TOM1: variants seen among roughly 807,000 people sequenced by gnomAD.
TOM1 encodes target of myb1 membrane trafficking protein, also known as target of Myb protein 1.
Under a neutral mutation model 61.3 loss-of-function variants are expected in TOM1, and 38 were observed. That is an observed-to-expected ratio of 0.62 (90% CI 0.48 to 0.81). TOM1 has a LOEUF of 0.81. Ranked by LOEUF, TOM1 falls within the 40% of genes least tolerant of loss-of-function variation. The pLI, the probability that TOM1 is intolerant of heterozygous loss-of-function variation, is 0.00. For synonymous variants in TOM1, 270 were observed against 268.8 expected, an observed-to-expected ratio of 1.00 and a Z score of -0.04; for missense variants, 591 against 659.6, an observed-to-expected ratio of 0.90 and a Z score of 1.14.
chr22:35,319,843 TC>T (rs779062832), intron 2 of TOM1, among the ~76,000 whole-genome samples: 1 of 152,124 alleles, frequency 6.6e-6, no homozygotes, highest in Non-Finnish European at 1.5e-5. Context: ...TGGGCCACCA[TC>T]CCTTTCCCCA....
At chr22:35,300,478 C>T (rs779643136) in intron 1 of TOM1, among the ~76,000 whole-genome samples, 6 of 152,226 alleles carry the variant, frequency 3.9e-5, no homozygotes, top group African/African-American at 9.6e-5. Flanking sequence ...CCAGAGGGGC[C>T]CAGCGCCGGA....
At chr22:35,303,943 G>A (rs952873285) in intron 1 of TOM1, among the ~76,000 whole-genome samples, 5 of 152,116 alleles carry the variant, frequency 3.3e-5, no homozygotes, top group African/African-American at 4.8e-5. Flanking sequence ...CACCTAGCAC[G>A]GTGCCTGGCA....
At chr22:35,313,218 G>T (rs1963528135) in intron 1 of TOM1, among the ~76,000 whole-genome samples, 1 of 151,976 alleles carries the variant, frequency 6.6e-6, no homozygotes, top group South Asian at 2.1e-4. Flanking sequence ...GTGTTGGCAG[G>T]TACCTGTAAT....
Position 35,342,699 on chromosome 22 carries a change from C to T in TOM1, c.1225-3026C>T, listed in dbSNP as rs923985321. On this transcript the variant is annotated intron_variant, in intron 12 of 14. Transcript: ENST00000449058. ...ACCTGCCTCATCCCTCTACACCAGC[C>T]GCCACATCCACCACACACACCTCCA... Among the ~76,000 whole-genome samples the T allele has an allele frequency of 2.6e-5, 4 of 151,882 alleles. No individual in the cohort carries two copies. The East Asian group carries it at 5.8e-4, about 22-fold the overall frequency.
intron 1 of TOM1, among the ~76,000 whole-genome samples, chr22:35,310,876 C>T (rs1271822642): frequency 6.6e-6 from 1 of 152,186 alleles, no homozygotes; most frequent in Non-Finnish European, 1.5e-5. Context: ...TTATTTTAAT[C>T]ACTCCACTAA....
chr22:35,323,333 G>A lies in TOM1; in HGVS notation c.366+156G>A. On this transcript the variant is annotated intron_variant, in intron 4 of 14. Coordinates refer to ENST00000449058, the MANE Select transcript of TOM1 (RefSeq NM_005488.3). This position sits in a 1 kb window ranked among gnomAD's most constrained non-coding sequence, Gnocchi z 4.2. ...GGCTGGTGGGATGTTCTGTGGGGAGGGAGGCTTGCCAACTGCGTGCTTTGC... is the reference window on the plus strand; with the variant it reads ...GGCTGGTGGGATGTTCTGTGGGGAGAGAGGCTTGCCAACTGCGTGCTTTGC... 3 of 1,369,826 alleles carry A rather than the reference G, an allele frequency of 2.2e-6. No individual in the cohort carries two copies. The highest frequency in any genetic ancestry group is 3.0e-6 in the Non-Finnish European group (3 of 999,286). 84.9% of individuals were successfully genotyped at this position (1,369,826 alleles called of 1,614,324 possible).
chr22:35,307,864 G>A (rs1448986144), intron 1 of TOM1, among the ~76,000 whole-genome samples: 1 of 152,186 alleles, frequency 6.6e-6, no homozygotes, highest in Non-Finnish European at 1.5e-5. Flanking sequence ...TTAACTTTAT[G>A]TGTCAACTTG....
chr22:35,346,500 GC>G (rs1930511324), intron 13 of TOM1, among the ~76,000 whole-genome samples: 1 of 152,160 alleles, frequency 6.6e-6, no homozygotes, highest in Non-Finnish European at 1.5e-5. Context: ...AGCATGAATG[GC>G]CCTCAGCCTC....
Position 35,313,040 on chromosome 22 carries a change from G to C in TOM1, c.53-4837G>C, listed in dbSNP as rs140915364. Among the ~76,000 whole-genome samples, 495 of 152,246 alleles carry C rather than the reference G, an allele frequency of 3.3e-3. 4 individuals are homozygous for C. Among genetic ancestry groups the C allele is most frequent in the African/African-American group, 0.012 (478 of 41,546 alleles). On this transcript the variant is annotated intron_variant, in intron 1 of 14. Transcript: ENST00000449058. ...CCAGGCTGCTTCCCAGAAGGCTGGT[G>C]TGGAAAGGGGTGATACTGGCCGGAC... is the stretch of plus-strand genomic sequence containing the variant.
intron 1 of TOM1, among the ~76,000 whole-genome samples, chr22:35,301,827 C>T (rs1488066219): frequency 6.6e-6 from 1 of 152,178 alleles, no homozygotes; most frequent in African/African-American, 2.4e-5. Flanking sequence ...CACACCCACC[C>T]CACAGTGAGT....
chr22:35,318,634 G>C (rs1254566655), intron 2 of TOM1, among the ~76,000 whole-genome samples: 1 of 152,218 alleles, frequency 6.6e-6, no homozygotes, highest in Non-Finnish European at 1.5e-5. Flanking sequence ...ACCTCTCTAG[G>C]TCTTTGTCCT....
At chr22:35,313,228 T>C (rs577690650) in intron 1 of TOM1, among the ~76,000 whole-genome samples, 100 of 151,930 alleles carry the variant, frequency 6.6e-4, no homozygotes, top group South Asian at 5.2e-3. Context: ...GTACCTGTAA[T>C]CCCAGCTACT....
intron 8 of TOM1, among the ~76,000 whole-genome samples, chr22:35,331,678 G>A (rs1385312113): frequency 6.6e-6 from 1 of 152,182 alleles, no homozygotes; most frequent in African/African-American, 2.4e-5. Context: ...GAGGCCAGGA[G>A]TTTGCAACCA....
intron 11 of TOM1, among the ~76,000 whole-genome samples, chr22:35,335,224 G>C (rs1258801956): frequency 6.6e-6 from 1 of 152,152 alleles, no homozygotes; most frequent in African/African-American, 2.4e-5. Flanking sequence ...GATTCTTATA[G>C]CTAAGGAAAG....
intron 12 of TOM1, among the ~76,000 whole-genome samples, chr22:35,343,451 CCTA>C (rs1212229662): frequency 1.4e-5 from 2 of 147,120 alleles, no homozygotes; most frequent in Non-Finnish European, 3.0e-5. Flanking sequence ...ACCACACACA[CCTA>C]CACACACACA....
At chr22:35,329,956 G>A (rs1013740800) in intron 7 of TOM1, among the ~76,000 whole-genome samples, 1 of 152,210 alleles carries the variant, frequency 6.6e-6, no homozygotes, top group African/African-American at 2.4e-5. Flanking sequence ...TCCAAGGCTT[G>A]TGCAGGGGCT....
intron 1 of TOM1, among the ~76,000 whole-genome samples, chr22:35,316,089 C>A (rs1927254942): frequency 1.3e-5 from 2 of 152,266 alleles, no homozygotes; most frequent in South Asian, 2.1e-4. Flanking sequence ...AGACAGCCGG[C>A]AGCACTGTGC....
At chr22:35,329,745 A>G (rs1054254769) in intron 7 of TOM1, among the ~76,000 whole-genome samples, 7 of 152,186 alleles carry the variant, frequency 4.6e-5, no homozygotes, top group Non-Finnish European at 7.3e-5. Context: ...TTTTTGACTA[A>G]GCAAAGATGG....
chr22:35,311,696 AGTTTGGAGCACGC>A (rs1278840751), intron 1 of TOM1, among the ~76,000 whole-genome samples: 1 of 152,230 alleles, frequency 6.6e-6, no homozygotes, highest in Non-Finnish European at 1.5e-5. Context: ...AGAGCACACA[AGTTTGGAGCACGC>A]AGGCCTGGCT....
Sources: allele counts gnomAD v4.1 joint callset (sites outside exome capture counted in the v4.1 genomes callset), GRCh38; gene constraint gnomAD v4.1.1; non-coding constraint Gnocchi (gnomAD v3.1); transcripts MANE v1.5; gene names NCBI Gene and HGNC (gene_info 2026-07-23, HGNC 2026-07-21).